TENM3: variants seen among roughly 807,000 people sequenced by gnomAD.
TENM3 encodes the protein teneurin transmembrane protein 3, also known as teneurin-3.
Under a neutral mutation model 255.1 loss-of-function variants are expected in TENM3, and 63 were observed. The observed-to-expected ratio is 0.25, with a 90% CI of 0.20 to 0.30. The LOEUF is 0.30. TENM3 is among the 10% of genes least tolerant of loss of function. TENM3 has a pLI of 1.00. For synonymous variants in TENM3, 1,306 were observed against 1,322.3 expected, an observed-to-expected ratio of 0.99 and a Z score of 0.27; for missense variants, 2,929 against 3,461.1, an observed-to-expected ratio of 0.85 and a Z score of 3.86.
At chr4:181,480,096 T>C in the TENM3 span, among the ~76,000 whole-genome samples, 1 of 152,098 alleles carries the variant, frequency 6.6e-6, no homozygotes, top group South Asian at 2.1e-4. Context: ...CAGCTGTGAG[T>C]TTATGTGCAC....
rs574262048 is a variant in TENM3 at position 182,797,400 on chromosome 4, T to C, written c.7344+633T>C. Among the ~76,000 whole-genome samples the C allele has an allele frequency of 1.3e-3, 197 of 151,920 alleles. 1 individual carries two copies. Among genetic ancestry groups the C allele is most frequent in the African/African-American group, 4.6e-3 (189 of 41,364 alleles). On this transcript the variant is annotated intron_variant, in intron 27 of 27. Coordinates refer to ENST00000511685, the MANE Select transcript of TENM3 (RefSeq NM_001080477.4). Reference sequence around the variant, plus strand: ...GTTGCAGTGACCCGAGATCACGCCATTGTACTCCAGCCTGAGCAACAAGAG... The same window carrying C: ...GTTGCAGTGACCCGAGATCACGCCACTGTACTCCAGCCTGAGCAACAAGAG...
chr4:182,720,894 A>C (rs1759670543), intron 13 of TENM3, among the ~76,000 whole-genome samples: 1 of 151,384 alleles, frequency 6.6e-6, no homozygotes, highest in Admixed American at 6.6e-5. Context: ...CAGCCTCCCG[A>C]GTAGCTGGAA....
intron 3 of TENM3, among the ~76,000 whole-genome samples, chr4:182,469,902 A>T (rs35236394): frequency 0.24 from 35,527 of 147,948 alleles, 4,321 homozygotes; most frequent in Non-Finnish European, 0.27. Flanking sequence ...TTTTAATGAT[A>T]TTTTTTTCTG....
At chr4:181,621,226 G>A in the TENM3 span, among the ~76,000 whole-genome samples, 2 of 152,130 alleles carry the variant, frequency 1.3e-5, no homozygotes, top group East Asian at 3.9e-4. Context: ...TTCATAATCA[G>A]AAACCACCAT....
chr4:182,473,364 T>C (rs947628143), intron 3 of TENM3, among the ~76,000 whole-genome samples: 1 of 152,212 alleles, frequency 6.6e-6, no homozygotes, highest in Non-Finnish European at 1.5e-5. Flanking sequence ...ATGTACGCTC[T>C]AATAAAAAAT....
chr4:182,455,625 G>A (rs1250151719), intron 3 of TENM3, among the ~76,000 whole-genome samples: 1 of 129,820 alleles, frequency 7.7e-6, no homozygotes, highest in African/African-American at 3.0e-5. Flanking sequence ...GCAGTGGCAT[G>A]ATCTCGCCTC....
At chr4:182,030,465 C>T in the TENM3 span, among the ~76,000 whole-genome samples, 7 of 152,160 alleles carry the variant, frequency 4.6e-5, no homozygotes, top group African/African-American at 1.7e-4. Context: ...AAAACATTCT[C>T]TTTATCCAGT....
intron 1 of TENM3, among the ~76,000 whole-genome samples, chr4:182,310,810 G>A (rs181551682): frequency 7.9e-5 from 12 of 152,174 alleles, no homozygotes; most frequent in Admixed American, 2.6e-4. Flanking sequence ...GGGTTCAAGC[G>A]ATTCTCCTGC....
intron 16 of TENM3, among the ~76,000 whole-genome samples, chr4:182,735,274 C>A (rs1369569295): frequency 2.6e-5 from 4 of 152,140 alleles, no homozygotes; most frequent in African/African-American, 9.7e-5. Flanking sequence ...ATTAGAAATG[C>A]CTCTTACTGT....
At chr4:182,363,500 C>T (rs773283370) in intron 3 of TENM3, among the ~76,000 whole-genome samples, 14 of 151,732 alleles carry the variant, frequency 9.2e-5, no homozygotes, top group Admixed American at 6.6e-4. Flanking sequence ...TCCTTAGTAA[C>T]TGCCACATAG....
chr4:181,591,119 T>G, the TENM3 span, among the ~76,000 whole-genome samples: 1 of 152,216 alleles, frequency 6.6e-6, no homozygotes, highest in Non-Finnish European at 1.5e-5. Context: ...CAATATGGCC[T>G]GTTGACCAAG....
At chr4:182,391,478 A>G (rs1336894880) in intron 3 of TENM3, among the ~76,000 whole-genome samples, 4 of 152,182 alleles carry the variant, frequency 2.6e-5, no homozygotes, top group African/African-American at 9.7e-5. Context: ...CCCTGGCTCT[A>G]AGGAGGCCAG....
the TENM3 span, among the ~76,000 whole-genome samples, chr4:181,479,602 T>TA: frequency 1.9e-4 from 29 of 152,090 alleles, no homozygotes; most frequent in Non-Finnish European, 4.0e-4. Flanking sequence ...GACAAAATTT[T>TA]AAAAAACACA....
the TENM3 span, among the ~76,000 whole-genome samples, chr4:181,521,965 G>T: frequency 0.062 from 9,413 of 151,938 alleles, 388 homozygotes; most frequent in South Asian, 0.14. Flanking sequence ...GCCAGGCACG[G>T]TGGCGGGCGC....
intron 1 of TENM3, among the ~76,000 whole-genome samples, chr4:182,252,803 C>T (rs1445271636): frequency 6.9e-6 from 1 of 144,244 alleles, no homozygotes; most frequent in African/African-American, 2.5e-5. Context: ...GGAGCTTCAC[C>T]GTGTGTCTCA....
At chr4:181,694,893 A>G in the TENM3 span, among the ~76,000 whole-genome samples, 4 of 152,196 alleles carry the variant, frequency 2.6e-5, no homozygotes. Context: ...CTTTAGTATT[A>G]TTCCAATTGC....
chr4:181,454,687 T>G, the TENM3 span, among the ~76,000 whole-genome samples: 1 of 151,674 alleles, frequency 6.6e-6, no homozygotes, highest in South Asian at 2.1e-4. Context: ...TTATACTTTT[T>G]TTTTCTGGTG....
chr4:182,773,793 T>C, intron 23 of TENM3, 146 bp downstream of exon 23: 1 of 613,604 alleles, frequency 1.6e-6, no homozygotes, highest in Non-Finnish European at 2.7e-6. Context: ...AGTGTACATG[T>C]AATATTTATT....
the TENM3 span, among the ~76,000 whole-genome samples, chr4:181,549,385 C>T: frequency 2.0e-5 from 3 of 152,148 alleles, no homozygotes; most frequent in Non-Finnish European, 1.5e-5. Context: ...TTGTTATCCT[C>T]GGTAGTACTT....
Sources: allele counts gnomAD v4.1 joint callset (sites outside exome capture counted in the v4.1 genomes callset), GRCh38; gene constraint gnomAD v4.1.1; transcripts MANE v1.5; gene names NCBI Gene and HGNC (gene_info 2026-07-23, HGNC 2026-07-21).